CALD1: variants seen among roughly 807,000 people sequenced by gnomAD.
CALD1 encodes caldesmon.
CALD1 carries 33 observed loss-of-function variants against 99.9 expected under a neutral mutation model. That is an observed-to-expected ratio of 0.33 (90% CI 0.25 to 0.44). The LOEUF (loss-of-function observed/expected upper bound fraction) is 0.44. Ranked by LOEUF, CALD1 falls within the 20% of genes least tolerant of loss-of-function variation. The pLI is 1.00. For missense variants in CALD1, 861 were observed against 962.1 expected (o/e 0.89, Z 1.39); for synonymous variants, 310 against 325.0 (o/e 0.95, Z 0.50).
intron 3 of CALD1, among the ~76,000 whole-genome samples, chr7:134,890,731 G>A (rs1385979332): frequency 6.6e-6 from 1 of 152,202 alleles, no homozygotes; most frequent in African/African-American, 2.4e-5. Context: ...CCATTGCCCA[G>A]CTTGGCTGAT....
rs144266127 is a variant in CALD1 at position 134,932,304 on chromosome 7, C to T, written c.219-684C>T. ...CACTGGCGTGAGTGTGGAATCTCAA[C>T]ACTGTAATGTACATTTTCTTCCTCT... On this transcript the variant is annotated intron_variant, in intron 4 of 14. Coordinates refer to ENST00000361675, the MANE Select transcript of CALD1 (RefSeq NM_033138.4). Among the ~76,000 whole-genome samples, 210 of 152,294 alleles carry T rather than the reference C, an allele frequency of 1.4e-3. 3 individuals carry two copies. Among genetic ancestry groups the T allele is most frequent in the African/African-American group, 4.8e-3 (201 of 41,570 alleles).
chr7:134,916,608 A>G (rs973648965), intron 3 of CALD1, among the ~76,000 whole-genome samples: 2 of 152,236 alleles, frequency 1.3e-5, no homozygotes, highest in Non-Finnish European at 2.9e-5. Flanking sequence ...AGTGGCATCC[A>G]CATGCTGTGT....
At chr7:134,827,035 T>C (rs974671457) in intron 1 of CALD1, among the ~76,000 whole-genome samples, 3 of 152,212 alleles carry the variant, frequency 2.0e-5, no homozygotes. Flanking sequence ...GAGAAAAAAA[T>C]TAACTCTTTA....
In CALD1 at chr7:134,968,887, G is replaced by C. The variant is rs1331794793; in HGVS notation, c.*542G>C. 1 of 175,000 alleles carries C rather than the reference G, an allele frequency of 5.7e-6. No homozygotes were observed. Among genetic ancestry groups the C allele is most frequent in the East Asian group, 1.4e-4 (1 of 7,368 alleles). The allele number at this position is 175,000 out of a possible 1,614,324, so 10.8% of individuals were successfully genotyped here. On this transcript the variant is annotated 3_prime_UTR_variant, in exon 15 of 15. Transcript: ENST00000361675. ...AAAAAAAAAAGAAATGTACTGTTAA[G>C]GTATTACTTTTTTTCATGCTGATGA...
At chr7:134,830,407 T>C (rs1415037665) in intron 1 of CALD1, among the ~76,000 whole-genome samples, 2 of 152,198 alleles carry the variant, frequency 1.3e-5, no homozygotes, top group Non-Finnish European at 2.9e-5. Context: ...TTTATTTTTT[T>C]TTTAATTTTT....
chr7:134,965,253 C>A, intron 13 of CALD1, 53 bp from the exon 14 acceptor site: 1 of 863,930 alleles, frequency 1.2e-6, no homozygotes, highest in Non-Finnish European at 2.0e-6. Flanking sequence ...TTAGAGCTGG[C>A]TAGAAAATAT....
intron 3 of CALD1, among the ~76,000 whole-genome samples, chr7:134,873,579 T>C (rs574058635): frequency 3.3e-5 from 5 of 152,226 alleles, no homozygotes; most frequent in Non-Finnish European, 5.9e-5. Flanking sequence ...ATTAGCTATG[T>C]CTGAATGGAA....
In CALD1 at chr7:134,767,195, C is replaced by CTGTG. The variant is rs34026828; in HGVS notation, c.-130+22859_-130+22862dup. ...ACACACACTCTCTCTCTCTCTGTCT[C>CTGTG]TGTGTGTGTGTGTGTGTGTGTGTGT... On this transcript the variant is annotated intron_variant, in intron 1 of 13. Coordinates refer to the CALD1 transcript ENST00000417172. Among the ~76,000 whole-genome samples the CTGTG allele has an allele frequency of 6.8e-3, 1,014 of 148,992 alleles. 6 individuals are homozygous for CTGTG. Among genetic ancestry groups the CTGTG allele is most frequent in the South Asian group, 0.023 (107 of 4,618 alleles).
At position 134,928,738 on chromosome 7, in the gene CALD1, CTT is replaced by C. The variant is rs752574174; in HGVS notation, c.72-14_72-13del. On this transcript the variant is annotated splice_polypyrimidine_tract_variant and intron_variant, in intron 3 of 14. Coordinates refer to ENST00000361675, the MANE Select transcript of CALD1 (RefSeq NM_033138.4). ...GCAAGTGGCACGCTCAAGAGGTTGT[CTT>C]TGTAATGTTGCAGAATCGCCTACCA... 190 of 1,611,670 alleles carry C rather than the reference CTT, an allele frequency of 1.2e-4. No homozygotes were observed. Among genetic ancestry groups the C allele is most frequent in the Non-Finnish European group, 1.5e-4 (177 of 1,178,850 alleles).
rs546660790 is a variant in CALD1 at position 134,941,076 on chromosome 7, A to G, written c.1387-16A>G. 1.9e-6 allele frequency: 3 copies of G among 1,589,958 alleles called. No homozygotes were observed. Among genetic ancestry groups the G allele is most frequent in the South Asian group, 1.2e-5 (1 of 85,972 alleles). ...TTTTCTTGTTCTGTTTCTTCCTGAT[A>G]TGTACTGTTGGTTAGATCAAAGATG... On this transcript the variant is annotated splice_polypyrimidine_tract_variant and intron_variant, in intron 6 of 14. Transcript: ENST00000361675.
intron 1 of CALD1, among the ~76,000 whole-genome samples, chr7:134,754,457 A>G (rs1222913984): frequency 6.6e-6 from 1 of 152,232 alleles, no homozygotes; most frequent in Non-Finnish European, 1.5e-5. Context: ...TCTATAAAAT[A>G]ATACATATGC....
In CALD1 at chr7:134,968,402, C is replaced by G; in HGVS notation, c.*57C>G. 1 of 1,508,200 alleles carries G rather than the reference C, an allele frequency of 6.6e-7. No individual in the cohort carries two copies. Among genetic ancestry groups the G allele is most frequent in the Non-Finnish European group, 9.2e-7 (1 of 1,083,704 alleles). The allele number at this position is 1,508,200 out of a possible 1,614,324, so 93.4% of individuals were successfully genotyped here. A position where few individuals can be genotyped will look rare whatever the true frequency, so the allele number is the denominator to read the frequency against. Reference sequence around the variant, plus strand: ...GCAGGACGAGCTCAGTTGTAGAGGGCTAATTCGCTCTGTTTTGTATTTATG... The same window carrying G: ...GCAGGACGAGCTCAGTTGTAGAGGGGTAATTCGCTCTGTTTTGTATTTATG... On this transcript the variant is annotated 3_prime_UTR_variant, in exon 15 of 15. Transcript: ENST00000361675.
At chr7:134,738,867 A>G in the CALD1 span, among the ~76,000 whole-genome samples, 1 of 152,244 alleles carries the variant, frequency 6.6e-6, no homozygotes, top group Non-Finnish European at 1.5e-5. Flanking sequence ...GTTCAATTGC[A>G]GAGCCCTGGG....
rs1808902900 is a variant in CALD1 at position 134,969,483 on chromosome 7, C to T, written c.*1138C>T. The T allele has an allele frequency of 6.6e-6, 1 of 152,150 alleles. No homozygotes were observed. The highest frequency in any genetic ancestry group is 1.5e-5 in the Non-Finnish European group (1 of 68,022). The allele number at this position is 152,150 out of a possible 1,614,324, so 9.4% of individuals were successfully genotyped here. On this transcript the variant is annotated 3_prime_UTR_variant, in exon 15 of 15. Coordinates refer to ENST00000361675, the MANE Select transcript of CALD1 (RefSeq NM_033138.4). ...CAAGAAATTTAGTGCCAATATTGTACAGACAGAAATTCCATGTATGAGTCT... is the reference window on the plus strand; with the variant it reads ...CAAGAAATTTAGTGCCAATATTGTATAGACAGAAATTCCATGTATGAGTCT...
chr7:134,855,656 T>G (rs1482414088), intron 2 of CALD1, among the ~76,000 whole-genome samples: 1 of 152,246 alleles, frequency 6.6e-6, no homozygotes, highest in Non-Finnish European at 1.5e-5. Context: ...TGGAACTGTT[T>G]ATATTCGGCT....
At chr7:134,900,559 A>G (rs1043294180) in intron 3 of CALD1, among the ~76,000 whole-genome samples, 4 of 152,150 alleles carry the variant, frequency 2.6e-5, no homozygotes, top group African/African-American at 9.7e-5. Flanking sequence ...TAGCCCTCGC[A>G]GCACTAAATG....
the CALD1 span, among the ~76,000 whole-genome samples, chr7:134,738,363 G>T: frequency 6.6e-6 from 1 of 152,148 alleles, no homozygotes; most frequent in Non-Finnish European, 1.5e-5. Context: ...ATACACAAAA[G>T]GCAGAGTTTC....
chr7:134,859,251 G>C lies in CALD1; in HGVS notation c.-41-8442G>C, dbSNP rs1356645187. On this transcript the variant is annotated intron_variant, in intron 2 of 14. Coordinates refer to ENST00000361675, the MANE Select transcript of CALD1 (RefSeq NM_033138.4). ...TCTGAATTATGTGTGATAATATTGT[G>C]AATGCCTCTGTTAGTCAGGCATACA... is the stretch of plus-strand genomic sequence containing the variant. 2.6e-5 allele frequency among the ~76,000 whole-genome samples: 4 copies of C among 152,158 alleles called. No homozygotes were observed. In the East Asian group the frequency reaches 7.7e-4, roughly 29 times the overall value.
intron 9 of CALD1, among the ~76,000 whole-genome samples, chr7:134,950,779 A>C (rs59225512): frequency 0.02 from 3,119 of 152,226 alleles, 108 homozygotes; most frequent in African/African-American, 0.071. Flanking sequence ...ACCGTGGTGA[A>C]ACCCCATCTC....
Sources: allele counts gnomAD v4.1 joint callset (sites outside exome capture counted in the v4.1 genomes callset), GRCh38; gene constraint gnomAD v4.1.1; transcripts MANE v1.5; gene names NCBI Gene and HGNC (gene_info 2026-07-23, HGNC 2026-07-21).